PDE4D: variants seen among roughly 807,000 people sequenced by gnomAD.
PDE4D encodes the protein 3',5'-cyclic-AMP phosphodiesterase 4D.
In PDE4D, 24 loss-of-function variants were observed where a neutral mutation model predicts 87.4. The observed-to-expected ratio is 0.27, with a 90% confidence interval of 0.20 to 0.39. The LOEUF is 0.39. Ranked by LOEUF, PDE4D falls within the 10% of genes least tolerant of loss-of-function variation. The pLI, the probability that PDE4D is intolerant of heterozygous loss-of-function variation, is 1.00. For missense variants in PDE4D, 714 were observed against 1,041.0 expected (o/e 0.69, Z 4.32); for synonymous variants, 384 against 383.2 (o/e 1.00, Z -0.02).
intron 5 of PDE4D, among the ~76,000 whole-genome samples, chr5:59,164,504 C>T (rs956970453): frequency 6.6e-6 from 1 of 152,084 alleles, no homozygotes; most frequent in Non-Finnish European, 1.5e-5. Flanking sequence ...CTATTATTCC[C>T]GTCTTCTAAT....
At chr5:60,204,963 A>G (rs1356787317) in intron 1 of PDE4D, among the ~76,000 whole-genome samples, 2 of 152,226 alleles carry the variant, frequency 1.3e-5, no homozygotes, top group African/African-American at 4.8e-5. Context: ...ACATATAGTA[A>G]GCATCAATAA....
At chr5:60,467,839 C>G (rs1747481430) in intron 1 of PDE4D, among the ~76,000 whole-genome samples, 1 of 152,118 alleles carries the variant, frequency 6.6e-6, no homozygotes, top group Non-Finnish European at 1.5e-5. Context: ...ATGTGCTACA[C>G]ATTTTTAAAT....
At chr5:60,038,619 C>A in intron 2 of PDE4D, among the ~76,000 whole-genome samples, 1 of 151,860 alleles carries the variant, frequency 6.6e-6, no homozygotes, top group East Asian at 1.9e-4. Flanking sequence ...ATATACACAG[C>A]AAAAGAAACT....
intron 5 of PDE4D, among the ~76,000 whole-genome samples, chr5:59,169,546 C>T (rs930652062): frequency 4.6e-5 from 7 of 152,130 alleles, no homozygotes; most frequent in African/African-American, 4.8e-5. Context: ...CCCAGGATGA[C>T]GAAGTCAGCA....
At chr5:59,224,922 C>T (rs1273746372) in intron 1 of PDE4D, among the ~76,000 whole-genome samples, 1 of 152,168 alleles carries the variant, frequency 6.6e-6, no homozygotes, top group Non-Finnish European at 1.5e-5. Flanking sequence ...TCTGTTTAGG[C>T]CACCAGTCTA....
At chr5:60,378,922 A>G (rs1583575607) in intron 1 of PDE4D, among the ~76,000 whole-genome samples, 1 of 152,262 alleles carries the variant, frequency 6.6e-6, no homozygotes, top group South Asian at 2.1e-4. Context: ...AGAAAGCAGT[A>G]TGTTGCTGAC....
chr5:60,403,611 G>A (rs1358641352), intron 1 of PDE4D, among the ~76,000 whole-genome samples: 1 of 152,210 alleles, frequency 6.6e-6, no homozygotes, highest in Admixed American at 6.5e-5. Flanking sequence ...ATCACATGAA[G>A]CAGGTATCAT....
chr5:59,496,533 T>C (rs773748422), intron 1 of PDE4D, among the ~76,000 whole-genome samples: 1 of 152,022 alleles, frequency 6.6e-6, no homozygotes, highest in Non-Finnish European at 1.5e-5. Context: ...CCTTGTTCAG[T>C]TGGGGGACAG....
chr5:59,036,889 T>C (rs1268756580), intron 6 of PDE4D, among the ~76,000 whole-genome samples: 1 of 152,156 alleles, frequency 6.6e-6, no homozygotes, highest in Non-Finnish European at 1.5e-5. Context: ...AATGACTACA[T>C]TTTGAAAAAA....
chr5:59,877,375 A>G (rs1219902111), intron 1 of PDE4D, among the ~76,000 whole-genome samples: 1 of 152,088 alleles, frequency 6.6e-6, no homozygotes, highest in Non-Finnish European at 1.5e-5. Flanking sequence ...AAGGATAAAA[A>G]AGCTTAAACA....
At chr5:60,256,828 C>T (rs1749105022) in intron 1 of PDE4D, among the ~76,000 whole-genome samples, 1 of 151,898 alleles carries the variant, frequency 6.6e-6, no homozygotes, top group African/African-American at 2.4e-5. Flanking sequence ...TATGTGCAAA[C>T]ATACTGAGGT....
intron 5 of PDE4D, among the ~76,000 whole-genome samples, chr5:59,158,338 G>T (rs143340143): frequency 2.2e-4 from 33 of 152,284 alleles, no homozygotes; most frequent in Admixed American, 1.1e-3. Context: ...GCTGGAAAAG[G>T]TCTCTCAGCT....
At chr5:59,595,537 A>G (rs917479780) in intron 1 of PDE4D, among the ~76,000 whole-genome samples, 13 of 152,182 alleles carry the variant, frequency 8.5e-5, no homozygotes, top group South Asian at 2.1e-4. Context: ...AATTTGGTAA[A>G]AAGTACTGCC....
chr5:59,147,502 A>G (rs1159953887), intron 5 of PDE4D, among the ~76,000 whole-genome samples: 3 of 152,148 alleles, frequency 2.0e-5, no homozygotes, highest in African/African-American at 7.2e-5. Context: ...AGTTGCCTAT[A>G]TTTTTCATTG....
intron 1 of PDE4D, among the ~76,000 whole-genome samples, chr5:59,259,122 C>A (rs115618700): frequency 1.3e-5 from 2 of 151,790 alleles, no homozygotes; most frequent in Non-Finnish European, 2.9e-5. Flanking sequence ...CATGAAAACA[C>A]AAACATAAAC....
At chr5:60,004,225 T>A (rs1485564528) in intron 2 of PDE4D, among the ~76,000 whole-genome samples, 8 of 152,150 alleles carry the variant, frequency 5.3e-5, no homozygotes, top group African/African-American at 9.7e-5. Flanking sequence ...ATGAAATATT[T>A]TCTACATATG....
At chr5:59,715,183 C>T (rs376497109) in intron 1 of PDE4D, among the ~76,000 whole-genome samples, 4 of 152,218 alleles carry the variant, frequency 2.6e-5, no homozygotes, top group Non-Finnish European at 4.4e-5. Context: ...AACAACCCCC[C>T]GGACTGGGAC....
intron 1 of PDE4D, among the ~76,000 whole-genome samples, chr5:59,547,013 C>A (rs1817386881): frequency 6.6e-6 from 1 of 152,120 alleles, no homozygotes; most frequent in Admixed American, 6.6e-5. Flanking sequence ...GGGCATTATG[C>A]TTTCATGCCA....
At chr5:60,431,499 A>C (rs1744299073) in intron 1 of PDE4D, among the ~76,000 whole-genome samples, 1 of 150,032 alleles carries the variant, frequency 6.7e-6, no homozygotes, top group African/African-American at 2.5e-5. Context: ...GACGCTCCTC[A>C]CTTCCTAGAT....
Sources: allele counts gnomAD v4.1 joint callset (sites outside exome capture counted in the v4.1 genomes callset), GRCh38; gene constraint gnomAD v4.1.1; transcripts MANE v1.5; gene names NCBI Gene and HGNC (gene_info 2026-07-23, HGNC 2026-07-21).